CCDC127: variants seen among roughly 807,000 people sequenced by gnomAD.
CCDC127 encodes coiled-coil domain containing 127.
CCDC127 carries 2 observed loss-of-function variants against 4.1 expected under a neutral mutation model. The ratio of observed to expected loss-of-function variants is 0.49; its 90% CI spans 0.20 to 1.53. The LOEUF is 1.53. Ranked by LOEUF, CCDC127 falls within the 40% of genes most tolerant of loss-of-function variation. CCDC127 has a pLI of 0.23. For missense variants in CCDC127, 271 were observed against 322.9 expected, an observed-to-expected ratio of 0.84 and a Z score of 1.23; for synonymous variants, 98 against 120.4, an observed-to-expected ratio of 0.81 and a Z score of 1.22.
At position 218,064 on chromosome 5, in the gene CCDC127, C is replaced by T. The variant is rs967673833; in HGVS notation, c.-11+29G>A. On this transcript the variant is annotated intron_variant, in intron 1 of 2. Coordinates refer to ENST00000296824, the MANE Select transcript of CCDC127 (RefSeq NM_145265.3). ...GGGGCTTTAAAAATGTTGGTGCCCACCACCTCCCCGGAACAGGGCCCGCTC... is the reference window on the plus strand; with the variant it reads ...GGGGCTTTAAAAATGTTGGTGCCCATCACCTCCCCGGAACAGGGCCCGCTC... 33 of 1,134,708 alleles carry T rather than the reference C, an allele frequency of 2.9e-5. No individual in the cohort carries two copies. In the Admixed American group the frequency reaches 8.2e-4, roughly 28 times the overall value. The allele number at this position is 1,134,708 out of a possible 1,614,324, so 70.3% of individuals were successfully genotyped here.
At chr5:217,756 T>TG (rs1734448132) in intron 1 of CCDC127, among the ~76,000 whole-genome samples, 1 of 152,010 alleles carries the variant, frequency 6.6e-6, no homozygotes, top group South Asian at 2.1e-4. Flanking sequence ...ATAGCTAGGC[T>TG]GGGGGCTAAC....
In CCDC127 at chr5:197,454, G is replaced by A. The variant is rs1733983134; in HGVS notation, c.*7843C>T. The A allele has an allele frequency of 6.6e-6, 1 of 152,238 alleles. No homozygotes were observed. Among genetic ancestry groups the A allele is most frequent in the Non-Finnish European group, 1.5e-5 (1 of 68,062 alleles). The allele number at this position is 152,238 out of a possible 1,614,324, so 9.4% of individuals were successfully genotyped here. On this transcript the variant is annotated 3_prime_UTR_variant, in exon 3 of 3. Transcript: ENST00000296824. ...CCGTGGACAATACCCGGCTTTCAAGGGCAGAGGTCCCTGCGGCTTTCCGCA... is the reference window on the plus strand; with the variant it reads ...CCGTGGACAATACCCGGCTTTCAAGAGCAGAGGTCCCTGCGGCTTTCCGCA...
rs1022767592 is a variant in CCDC127 at position 200,605 on chromosome 5, T to C, written c.*4692A>G. ...TGGTTCTTCTCTGACATCTAACCTG[T>C]GTTCTCCATTCTTGACCTGAAGTTT... is the stretch of plus-strand genomic sequence containing the variant. On this transcript the variant is annotated 3_prime_UTR_variant, in exon 3 of 3. Transcript: ENST00000296824. 6.6e-6 allele frequency: 1 copy of C among 152,336 alleles called. No individual in the cohort carries two copies. The highest frequency in any genetic ancestry group is 1.5e-5 in the Non-Finnish European group (1 of 68,096). The allele number at this position is 152,336 out of a possible 1,614,324, so 9.4% of individuals were successfully genotyped here. A position where few individuals can be genotyped will look rare whatever the true frequency, so the allele number is the denominator to read the frequency against.
chr5:197,255 A>C lies in CCDC127; in HGVS notation c.*8042T>G, dbSNP rs1035780222. The C allele has an allele frequency of 1.4e-4, 22 of 152,212 alleles. No individual in the cohort carries two copies. The highest frequency in any genetic ancestry group is 2.5e-4 in the Non-Finnish European group (17 of 68,028). 9.4% of individuals were successfully genotyped at this position (152,212 alleles called of 1,614,324 possible). The stretch of plus-strand genomic sequence containing the variant: ...GTACAATCGGGTTTTACACCGCGAC[A>C]TTCAGTTCCCAGCGGCGAGCAGGAG... On this transcript the variant is annotated 3_prime_UTR_variant, in exon 3 of 3. Transcript: ENST00000296824.
chr5:213,109 G>A (rs1310405053), intron 2 of CCDC127, among the ~76,000 whole-genome samples: 4 of 58,300 alleles, frequency 6.9e-5, no homozygotes, highest in South Asian at 6.5e-4. Context: ...CTGCAGCCAC[G>A]ATGAGACAGC....
rs755272730 is a variant in CCDC127 at position 196,981 on chromosome 5, A to G, written c.*8316T>C. On this transcript the variant is annotated 3_prime_UTR_variant, in exon 3 of 3. Transcript: ENST00000296824. ...TATTATTATTTTCATTATTTCAGCA[A>G]AAAGGAATGTAGTAGGAGAGCAGGG... The G allele has an allele frequency of 1.3e-4, 19 of 151,050 alleles. No individual in the cohort carries two copies. Among genetic ancestry groups the G allele is most frequent in the East Asian group, 3.9e-4 (2 of 5,162 alleles). The allele number at this position is 151,050 out of a possible 1,614,324, so 9.4% of individuals were successfully genotyped here.
Position 205,226 on chromosome 5 carries a change from C to T in CCDC127, c.*71G>A, listed in dbSNP as rs959983980. The T allele has an allele frequency of 2.1e-5, 29 of 1,413,094 alleles. No homozygotes were observed. Among genetic ancestry groups the T allele is most frequent in the Middle Eastern group, 3.7e-4 (2 of 5,430 alleles). 87.5% of individuals were successfully genotyped at this position (1,413,094 alleles called of 1,614,324 possible). ...ACACGGGCAGCACGGGAACGGAAGA[C>T]GCCGGAGACCCAGAAGGCGCATGAC... On this transcript the variant is annotated 3_prime_UTR_variant, in exon 3 of 3. Transcript: ENST00000296824.
intron 1 of CCDC127, among the ~76,000 whole-genome samples, 192 bp downstream of exon 1, chr5:217,901 G>A (rs946074686): frequency 1.8e-4 from 27 of 152,382 alleles, no homozygotes; most frequent in African/African-American, 6.5e-4. Context: ...TTAATCAAGG[G>A]ATGTATAATA....
Position 197,696 on chromosome 5 carries a change from A to G in CCDC127, c.*7601T>C. 1 of 155,790 alleles carries G rather than the reference A, an allele frequency of 6.4e-6. No homozygotes were observed. Among genetic ancestry groups the G allele is most frequent in the Non-Finnish European group, 1.4e-5 (1 of 70,790 alleles). 9.7% of individuals were successfully genotyped at this position (155,790 alleles called of 1,614,324 possible). A position where few individuals can be genotyped will look rare whatever the true frequency, so the allele number is the denominator to read the frequency against. On this transcript the variant is annotated 3_prime_UTR_variant, in exon 3 of 3. Transcript: ENST00000296824. ...CATCATCTCAGCAAAGCAATTATTT[A>G]AAGTACAGGTCTTTTTCAAAACGGA...
intron 2 of CCDC127, among the ~76,000 whole-genome samples, chr5:207,479 T>C (rs574884462): frequency 1.3e-5 from 2 of 152,322 alleles, no homozygotes; most frequent in African/African-American, 4.8e-5. Flanking sequence ...CAAGAACGGC[T>C]TCCTAAAAAG....
At chr5:206,161 A>C (rs2126505067) in intron 2 of CCDC127, among the ~76,000 whole-genome samples, 1 of 137,538 alleles carries the variant, frequency 7.3e-6, no homozygotes, top group African/African-American at 3.0e-5. Context: ...GGTGACCAAA[A>C]GACCCTAACC....
chr5:205,115 C>A lies in CCDC127; in HGVS notation c.*182G>T, dbSNP rs185717406. ...ACAGCGGCAGAGCATCGGGAGGAGA[C>A]CCTCTGTCTCTGAGGCTTCGGTGCA... On this transcript the variant is annotated 3_prime_UTR_variant, in exon 3 of 3. Coordinates refer to ENST00000296824, the MANE Select transcript of CCDC127 (RefSeq NM_145265.3). 6.9e-6 allele frequency: 4 copies of A among 577,670 alleles called. No individual in the cohort carries two copies. The highest frequency in any genetic ancestry group is 5.6e-5 in the African/African-American group (3 of 53,752). The allele number at this position is 577,670 out of a possible 1,614,324, so 35.8% of individuals were successfully genotyped here.
rs1579357032 is a variant in CCDC127 at position 204,787 on chromosome 5, T to C, written c.*510A>G. 1.3e-5 allele frequency: 2 copies of C among 152,468 alleles called. No homozygotes were observed. Among genetic ancestry groups the C allele is most frequent in the African/African-American group, 4.8e-5 (2 of 41,536 alleles). The allele number at this position is 152,468 out of a possible 1,614,324, so 9.4% of individuals were successfully genotyped here. A position where few individuals can be genotyped will look rare whatever the true frequency, so the allele number is the denominator to read the frequency against. On this transcript the variant is annotated 3_prime_UTR_variant, in exon 3 of 3. Coordinates refer to ENST00000296824, the MANE Select transcript of CCDC127 (RefSeq NM_145265.3). ...CACTTGGTATTTCCCCTTTATGGAGTGAGAGAGATCTTTAAAATATAAACC... is the reference window on the plus strand; with the variant it reads ...CACTTGGTATTTCCCCTTTATGGAGCGAGAGAGATCTTTAAAATATAAACC...
In CCDC127 at chr5:205,794, G is replaced by C. The variant is rs370375282; in HGVS notation, c.286C>G (p.Gln96Glu). 1.6e-5 allele frequency: 26 copies of C among 1,613,932 alleles called. No homozygotes were observed. The African/African-American group carries it at 3.1e-4, about 19-fold the overall frequency. Residue 96 changes from glutamine to glutamate, a missense_variant, in exon 3 of 3, where the codon CAA becomes GAA. By Grantham distance (29) the Gln-to-Glu change is conservative. Transcript: ENST00000296824. ...TCTCGGTAACTAGCAGTTCTGTTTTGTTCCTTTTCGAGTTCCAAGGACAAC... is the reference window on the plus strand; with the variant it reads ...TCTCGGTAACTAGCAGTTCTGTTTTCTTCCTTTTCGAGTTCCAAGGACAAC... ...AQLSLELEKEQNRTASYREAL... is the reference protein window; with the variant it reads ...AQLSLELEKEENRTASYREAL...
In CCDC127 at chr5:213,626, T is replaced by C. The variant is rs371306828; in HGVS notation, c.121+3103A>G. On this transcript the variant is annotated intron_variant, in intron 2 of 2. Coordinates refer to ENST00000296824, the MANE Select transcript of CCDC127 (RefSeq NM_145265.3). Reference sequence around the variant, plus strand: ...AGTGTGAGCACGCTGATGCTCGACATTGCACGCTGCAGCCACGATGAGACA... The same window carrying C: ...AGTGTGAGCACGCTGATGCTCGACACTGCACGCTGCAGCCACGATGAGACA... Among the ~76,000 whole-genome samples the C allele has an allele frequency of 1.5e-4, 22 of 151,038 alleles. No individual in the cohort carries two copies. In the East Asian group the frequency reaches 2.5e-3, roughly 17 times the overall value.
chr5:205,745 T>C lies in CCDC127; in HGVS notation c.335A>G (p.Lys112Arg). The change falls in exon 3 of 3, where the codon AAG (lysine) becomes AGG (arginine). Residue 112 changes from lysine to arginine, a missense_variant. By Grantham distance (26) the Lys-to-Arg change is conservative (BLOSUM62 2). This residue lies in a region of CCDC127 where 265 missense variants were observed against 270.9 expected (regional missense o/e 0.98). Transcript: ENST00000296824. ...CAGAAGCTTCTTTTCTTCTACCAAC[T>C]TGCGTCCCTGAGAGATAAGGGCTTC... ...YREALISQGR[K>R]LVEEKKLLEQ... 6.2e-7 allele frequency: 1 copy of C among 1,614,166 alleles called. No individual in the cohort carries two copies. Among genetic ancestry groups the C allele is most frequent in the Non-Finnish European group, 8.5e-7 (1 of 1,180,026 alleles).
In CCDC127 at chr5:205,225, A is replaced by ACGCCGGAGACCCAGAAGG; in HGVS notation, c.*54_*71dup. ...GACACGGGCAGCACGGGAACGGAAGACGCCGGAGACCCAGAAGGCGCATGA... is the reference window on the plus strand; with the variant it reads ...GACACGGGCAGCACGGGAACGGAAGACGCCGGAGACCCAGAAGGCGCCGGAGACCCAGAAGGCGCATGA... On this transcript the variant is annotated 3_prime_UTR_variant, in exon 3 of 3. Coordinates refer to ENST00000296824, the MANE Select transcript of CCDC127 (RefSeq NM_145265.3). The ACGCCGGAGACCCAGAAGG allele has an allele frequency of 1.4e-6, 2 of 1,398,340 alleles. No individual in the cohort carries two copies. Among genetic ancestry groups the ACGCCGGAGACCCAGAAGG allele is most frequent in the Non-Finnish European group, 2.0e-6 (2 of 1,019,810 alleles). 86.6% of individuals were successfully genotyped at this position (1,398,340 alleles called of 1,614,324 possible).
intron 2 of CCDC127, among the ~76,000 whole-genome samples, chr5:209,885 C>CAA (rs55781740): frequency 6.7e-5 from 10 of 149,348 alleles, no homozygotes; most frequent in South Asian, 2.1e-4. Context: ...CAATTGAAAC[C>CAA]AAAAAAAAAC....
At position 208,137 on chromosome 5, in the gene CCDC127, G is replaced by A. The variant is rs370411426; in HGVS notation, c.122-2179C>T. Among the ~76,000 whole-genome samples, 45 of 152,256 alleles carry A rather than the reference G, an allele frequency of 3.0e-4. 2 individuals carry two copies. In the South Asian group the frequency reaches 9.4e-3, roughly 32 times the overall value. On this transcript the variant is annotated intron_variant, in intron 2 of 2. Coordinates refer to ENST00000296824, the MANE Select transcript of CCDC127 (RefSeq NM_145265.3). ...AGCCTCAGTTTCCGGTGAGACTCCT[G>A]CTTCTGGGAAGACGGAGTAGACATC... is the stretch of plus-strand genomic sequence containing the variant.
Sources: allele counts gnomAD v4.1 joint callset (sites outside exome capture counted in the v4.1 genomes callset), GRCh38; gene constraint gnomAD v4.1.1; regional missense constraint gnomAD v4.1.1; transcripts MANE v1.5; gene names NCBI Gene and HGNC (gene_info 2026-07-23, HGNC 2026-07-21).